GRM8: variants seen among roughly 807,000 people sequenced by gnomAD.
The protein encoded by GRM8 is glutamate metabotropic receptor 8, also known as metabotropic glutamate receptor 8.
Under a neutral mutation model 87.2 loss-of-function variants are expected in GRM8, and 47 were observed. The observed-to-expected ratio is 0.54, with a 90% CI of 0.43 to 0.69. The LOEUF (loss-of-function observed/expected upper bound fraction) is 0.69. GRM8 is among the 30% of genes least tolerant of loss of function. GRM8 has a pLI of 0.00. For synonymous variants in GRM8, 396 were observed against 404.5 expected, an observed-to-expected ratio of 0.98 and a Z score of 0.25; for missense variants, 1,019 against 1,139.2, an observed-to-expected ratio of 0.89 and a Z score of 1.52.
intron 3 of GRM8, among the ~76,000 whole-genome samples, chr7:126,971,485 A>G (rs1810426137): frequency 6.6e-6 from 1 of 152,166 alleles, no homozygotes; most frequent in South Asian, 2.1e-4. Context: ...AATATAAAGT[A>G]GATAAGGAAA....
At chr7:126,753,669 T>TTA (rs1275307379) in intron 7 of GRM8, among the ~76,000 whole-genome samples, 4 of 151,928 alleles carry the variant, frequency 2.6e-5, no homozygotes, top group East Asian at 1.9e-4. Context: ...CTTATCATCT[T>TTA]TATATATATA....
chr7:127,125,759 C>T (rs992968457), intron 2 of GRM8, among the ~76,000 whole-genome samples: 1 of 140,008 alleles, frequency 7.1e-6, no homozygotes, highest in Admixed American at 7.2e-5. Flanking sequence ...GGAACTCAAA[C>T]AACTAAACAC....
At chr7:126,647,342 GAT>G (rs146180419) in intron 7 of GRM8, among the ~76,000 whole-genome samples, 11 of 125,416 alleles carry the variant, frequency 8.8e-5, no homozygotes, top group African/African-American at 2.6e-4. Context: ...TAGATAGATA[GAT>G]ATAGATATAG....
chr7:126,595,415 TTTATTTTATTTTA>T (rs1389843002), intron 8 of GRM8, among the ~76,000 whole-genome samples: 13 of 79,988 alleles, frequency 1.6e-4, no homozygotes, highest in East Asian at 4.8e-4. Context: ...TTTATTTTAT[TTTATTTTATTTTA>T]TTATTTTATT....
chr7:126,632,421 T>A (rs1801419244), intron 7 of GRM8, among the ~76,000 whole-genome samples: 1 of 152,196 alleles, frequency 6.6e-6, no homozygotes, highest in South Asian at 2.1e-4. Flanking sequence ...GGAACACTTT[T>A]ACACTGTTGG....
chr7:126,441,185 T>G (rs1163202260), intron 10 of GRM8, among the ~76,000 whole-genome samples: 1 of 152,012 alleles, frequency 6.6e-6, no homozygotes, highest in African/African-American at 2.4e-5. Flanking sequence ...ACTCTAGAGG[T>G]AAACATGCTA....
chr7:126,671,092 T>C (rs1019303404), intron 7 of GRM8, among the ~76,000 whole-genome samples: 1 of 152,230 alleles, frequency 6.6e-6, no homozygotes, highest in Admixed American at 6.5e-5. Context: ...CAATCTTGAC[T>C]TGCAGAGCCA....
intron 6 of GRM8, among the ~76,000 whole-genome samples, chr7:126,846,918 C>A (rs1439589409): frequency 6.6e-6 from 1 of 151,998 alleles, no homozygotes; most frequent in Non-Finnish European, 1.5e-5. Flanking sequence ...TCCTATTGCA[C>A]CACAGTATAA....
chr7:126,597,230 G>T (rs1044934427), intron 8 of GRM8, among the ~76,000 whole-genome samples: 1 of 152,030 alleles, frequency 6.6e-6, no homozygotes, highest in African/African-American at 2.4e-5. Flanking sequence ...TTGAGGAAAG[G>T]TGTCACGAGA....
chr7:126,922,118 G>A (rs1439329435), intron 3 of GRM8, among the ~76,000 whole-genome samples: 1 of 152,138 alleles, frequency 6.6e-6, no homozygotes, highest in Non-Finnish European at 1.5e-5. Context: ...GTTTGAGGAT[G>A]AATTGATAAG....
chr7:126,484,165 T>C (rs1018987064), intron 9 of GRM8, among the ~76,000 whole-genome samples: 8 of 152,190 alleles, frequency 5.3e-5, no homozygotes, highest in African/African-American at 1.9e-4. Context: ...GATAATTTCA[T>C]TTAGCATCTC....
At chr7:127,149,454 C>G (rs1828726343) in intron 2 of GRM8, among the ~76,000 whole-genome samples, 1 of 152,038 alleles carries the variant, frequency 6.6e-6, no homozygotes, top group Non-Finnish European at 1.5e-5. Context: ...AACTCATACA[C>G]TATTGATGGG....
At chr7:126,609,976 C>A (rs1463196412) in intron 7 of GRM8, among the ~76,000 whole-genome samples, 1 of 152,170 alleles carries the variant, frequency 6.6e-6, no homozygotes, top group East Asian at 1.9e-4. Context: ...AGCACCGTTC[C>A]TGTGCCTCTG....
chr7:127,132,052 A>G (rs1201164448), intron 2 of GRM8, among the ~76,000 whole-genome samples: 1 of 152,206 alleles, frequency 6.6e-6, no homozygotes, highest in Non-Finnish European at 1.5e-5. Flanking sequence ...GGGACAAACT[A>G]TAATCCATTA....
intron 2 of GRM8, among the ~76,000 whole-genome samples, chr7:127,221,723 G>A (rs1796946673): frequency 6.6e-6 from 1 of 152,188 alleles, no homozygotes; most frequent in African/African-American, 2.4e-5. Flanking sequence ...TTCTCTCTGA[G>A]CATTCCAAGC....
chr7:126,874,204 T>A (rs1319837448), intron 6 of GRM8, among the ~76,000 whole-genome samples: 1 of 152,052 alleles, frequency 6.6e-6, no homozygotes. Flanking sequence ...AGCCTCTAAA[T>A]CATTTTGGAT....
Position 126,533,204 on chromosome 7 carries a change from T to G in GRM8, c.2178A>C (p.Gly726=), listed in dbSNP as rs745975413. The G allele has an allele frequency of 5.0e-6, 8 of 1,612,666 alleles. No individual in the cohort carries two copies. The highest frequency in any genetic ancestry group is 3.3e-5 in the Admixed American group (2 of 59,818). Residue 726 remains glycine (G), a synonymous_variant, in exon 9 of 11, where the codon GGA becomes GGC. Transcript: ENST00000339582. ...VDPPHIIIDY[G]EQRTLDPEKA... is the part of the protein sequence containing the mutation. ...TCTCTGGATCTAGTGTCCGCTGCTCTCCATAGTCAATGATGATGTGGGGGG... is the reference window on the plus strand; with the variant it reads ...TCTCTGGATCTAGTGTCCGCTGCTCGCCATAGTCAATGATGATGTGGGGGG...
intron 3 of GRM8, among the ~76,000 whole-genome samples, chr7:126,907,548 A>ATG (rs1159988210): frequency 6.6e-6 from 1 of 152,028 alleles, no homozygotes; most frequent in Non-Finnish European, 1.5e-5. Context: ...GAGTCAGTGA[A>ATG]TGAGGGTGAG....
intron 9 of GRM8, among the ~76,000 whole-genome samples, chr7:126,449,866 C>T (rs1355068962): frequency 6.6e-6 from 1 of 151,800 alleles, no homozygotes; most frequent in African/African-American, 2.4e-5. Context: ...CCCTGTCACT[C>T]CAAAATACTA....
Sources: allele counts gnomAD v4.1 joint callset (sites outside exome capture counted in the v4.1 genomes callset), GRCh38; gene constraint gnomAD v4.1.1; transcripts MANE v1.5; gene names NCBI Gene and HGNC (gene_info 2026-07-23, HGNC 2026-07-21).